The following PTPRG variants were observed in gnomAD, a reference collection of about 807,000 sequenced individuals.
The protein encoded by PTPRG is receptor-type tyrosine-protein phosphatase gamma.
Under a neutral mutation model 165.3 loss-of-function variants are expected in PTPRG, and 102 were observed. The ratio of observed to expected loss-of-function variants is 0.62; its 90% CI spans 0.53 to 0.73. The LOEUF (loss-of-function observed/expected upper bound fraction) is 0.73, where lower values mean the gene tolerates loss of function less well. PTPRG is among the 30% of genes least tolerant of loss of function. The pLI is 0.00. For synonymous variants in PTPRG, 675 were observed against 669.5 expected, an observed-to-expected ratio of 1.01 and a Z score of -0.13; for missense variants, 1,866 against 1,861.4, an observed-to-expected ratio of 1.00 and a Z score of -0.05.
At chr3:61,933,563 A>G (rs1300259070) in intron 2 of PTPRG, among the ~76,000 whole-genome samples, 1 of 152,156 alleles carries the variant, frequency 6.6e-6, no homozygotes, top group African/African-American at 2.4e-5. Flanking sequence ...AATTTCCACT[A>G]ATTGATTAAT....
intron 1 of PTPRG, among the ~76,000 whole-genome samples, chr3:61,711,351 T>C (rs1215322989): frequency 6.6e-6 from 1 of 152,226 alleles, no homozygotes; most frequent in Non-Finnish European, 1.5e-5. Flanking sequence ...CACAACACTG[T>C]CTTCTACAAT....
At chr3:61,882,792 A>G (rs1338895353) in intron 2 of PTPRG, among the ~76,000 whole-genome samples, 1 of 152,180 alleles carries the variant, frequency 6.6e-6, no homozygotes, top group East Asian at 1.9e-4. Context: ...ACGTGTTTCT[A>G]AAAAGACTAG....
intron 4 of PTPRG, among the ~76,000 whole-genome samples, chr3:62,046,871 C>T (rs1408914175): frequency 6.6e-6 from 1 of 152,164 alleles, no homozygotes; most frequent in African/African-American, 2.4e-5. Context: ...ATGCTAGTAA[C>T]AACTACTACC....
chr3:61,571,161 A>G (rs1700046021), intron 1 of PTPRG, among the ~76,000 whole-genome samples: 1 of 152,158 alleles, frequency 6.6e-6, no homozygotes, highest in Admixed American at 6.5e-5. Flanking sequence ...ATATGCTTTT[A>G]ATCATCCCTG....
intron 7 of PTPRG, among the ~76,000 whole-genome samples, chr3:62,161,380 A>AT (rs1407380932): frequency 5.9e-5 from 9 of 152,320 alleles, no homozygotes; most frequent in Middle Eastern, 3.4e-3. Context: ...TTTTAGTAGT[A>AT]TAATTTATTT....
chr3:61,633,267 T>C (rs1473949140), intron 1 of PTPRG, among the ~76,000 whole-genome samples: 1 of 152,232 alleles, frequency 6.6e-6, no homozygotes, highest in African/African-American at 2.4e-5. Flanking sequence ...CTTTGTTCAC[T>C]ACTGTTTCCC....
At chr3:61,615,470 T>A (rs552742397) in intron 1 of PTPRG, among the ~76,000 whole-genome samples, 1 of 152,366 alleles carries the variant, frequency 6.6e-6, no homozygotes, top group Non-Finnish European at 1.5e-5. Flanking sequence ...CTTTCAATCC[T>A]ATCAGGTGAT....
chr3:61,790,419 T>C (rs1025981367), intron 2 of PTPRG, among the ~76,000 whole-genome samples: 1 of 152,220 alleles, frequency 6.6e-6, no homozygotes, highest in African/African-American at 2.4e-5. Context: ...TCCAGTGGTT[T>C]GGATTAAAAT....
At chr3:62,064,391 A>G (rs1374695279) in intron 4 of PTPRG, among the ~76,000 whole-genome samples, 1 of 152,000 alleles carries the variant, frequency 6.6e-6, no homozygotes, top group Non-Finnish European at 1.5e-5. Flanking sequence ...TTGCAAGTTG[A>G]TTTTCTCCTC....
At chr3:61,663,908 G>A (rs942622390) in intron 1 of PTPRG, among the ~76,000 whole-genome samples, 9 of 152,162 alleles carry the variant, frequency 5.9e-5, no homozygotes, top group Non-Finnish European at 7.3e-5. Context: ...CTCACCTCCT[G>A]TTGTGCAGCT....
intron 4 of PTPRG, among the ~76,000 whole-genome samples, chr3:62,065,323 A>G (rs1043928951): frequency 1.3e-5 from 2 of 152,182 alleles, no homozygotes; most frequent in African/African-American, 2.4e-5. Context: ...ATTCCAGGGA[A>G]GTCCATGGTT....
At chr3:61,767,957 G>A (rs2034083338) in intron 2 of PTPRG, among the ~76,000 whole-genome samples, 1 of 115,126 alleles carries the variant, frequency 8.7e-6, no homozygotes, top group African/African-American at 3.4e-5. Flanking sequence ...GTGACAGAAA[G>A]CAAGACCCTG....
chr3:61,593,400 GAA>G (rs4019828), intron 1 of PTPRG, among the ~76,000 whole-genome samples: 95,396 of 139,084 alleles, frequency 0.69, 32,512 homozygotes, highest in South Asian at 0.85. Context: ...TAATGAATTG[GAA>G]AAAAAAAAAA....
At chr3:61,783,304 C>T (rs565065427) in intron 2 of PTPRG, among the ~76,000 whole-genome samples, 1 of 152,270 alleles carries the variant, frequency 6.6e-6, no homozygotes, top group East Asian at 1.9e-4. Context: ...TGCACCACTG[C>T]ACTCCAACCT....
chr3:62,084,607 C>G (rs1701684644), intron 5 of PTPRG, among the ~76,000 whole-genome samples: 1 of 152,110 alleles, frequency 6.6e-6, no homozygotes, highest in South Asian at 2.1e-4. Flanking sequence ...AATTGCAGCA[C>G]CTGGGATTAT....
chr3:61,677,100 C>A (rs1703259483), intron 1 of PTPRG, among the ~76,000 whole-genome samples: 2 of 151,994 alleles, frequency 1.3e-5, no homozygotes, highest in African/African-American at 4.8e-5. Flanking sequence ...TAAAAATTAG[C>A]TGGGCATGGT....
intron 14 of PTPRG, among the ~76,000 whole-genome samples, chr3:62,241,460 G>A (rs1701159373): frequency 6.6e-6 from 1 of 152,140 alleles, no homozygotes; most frequent in Non-Finnish European, 1.5e-5. Context: ...CCAGTCGTGT[G>A]CTTTTCGCTG....
At chr3:61,645,750 A>G (rs1702183400) in intron 1 of PTPRG, among the ~76,000 whole-genome samples, 1 of 152,204 alleles carries the variant, frequency 6.6e-6, no homozygotes, top group African/African-American at 2.4e-5. Flanking sequence ...AGCCATAGAC[A>G]ATATGTGAGC....
chr3:61,805,844 T>A (rs58744914), intron 2 of PTPRG, among the ~76,000 whole-genome samples: 8,941 of 152,240 alleles, frequency 0.059, 363 homozygotes, highest in East Asian at 0.21. Context: ...TTCTTGAGAA[T>A]GGTAGATGTT....
Sources: allele counts gnomAD v4.1 joint callset (sites outside exome capture counted in the v4.1 genomes callset), GRCh38; gene constraint gnomAD v4.1.1; transcripts MANE v1.5; gene names NCBI Gene and HGNC (gene_info 2026-07-23, HGNC 2026-07-21).